KCNS3: variants seen among roughly 807,000 people sequenced by gnomAD.
The protein encoded by KCNS3 is delayed-rectifier potassium channel regulatory subunit KCNS3.
KCNS3 carries 13 observed loss-of-function variants against 31.0 expected under a neutral mutation model. The ratio of observed to expected loss-of-function variants is 0.42; its 90% CI spans 0.27 to 0.67. KCNS3 has a LOEUF of 0.67. Among genes scored for constraint, KCNS3 ranks in the 30% least tolerant of loss-of-function variants. KCNS3 has a pLI of 0.25. For missense variants in KCNS3, 545 were observed against 622.4 expected, an observed-to-expected ratio of 0.88 and a Z score of 1.32; for synonymous variants, 238 against 241.5, an observed-to-expected ratio of 0.99 and a Z score of 0.13.
chr2:17,909,212 G>A (rs1662413515), intron 1 of KCNS3, among the ~76,000 whole-genome samples: 1 of 152,188 alleles, frequency 6.6e-6, no homozygotes, highest in Admixed American at 6.5e-5. Flanking sequence ...TCAGACTGCT[G>A]TGCTAGCAAT....
intron 1 of KCNS3, among the ~76,000 whole-genome samples, chr2:17,900,087 A>G (rs77637412): frequency 0.012 from 1,841 of 152,232 alleles, 30 homozygotes; most frequent in African/African-American, 0.04. Context: ...TGAAACCTCA[A>G]TTTCCTCATT....
intron 1 of KCNS3, among the ~76,000 whole-genome samples, chr2:17,905,785 C>A (rs1472187231): frequency 6.6e-6 from 1 of 152,138 alleles, no homozygotes; most frequent in Middle Eastern, 3.2e-3. Context: ...ATATGTTGAA[C>A]CAGTCTTGCA....
At chr2:17,880,939 G>A (rs1026220797) in intron 1 of KCNS3, among the ~76,000 whole-genome samples, 1 of 152,192 alleles carries the variant, frequency 6.6e-6, no homozygotes, top group Non-Finnish European at 1.5e-5. Flanking sequence ...ATTGGAATGT[G>A]TGTCAGCTTT....
intron 1 of KCNS3, among the ~76,000 whole-genome samples, chr2:17,911,409 C>T (rs1572494609): frequency 6.6e-6 from 1 of 152,206 alleles, no homozygotes; most frequent in Admixed American, 6.5e-5. Context: ...TCTATAAGTT[C>T]ATTTGATATC....
At position 17,931,274 on chromosome 2, in the gene KCNS3, A is replaced by G. The variant is rs1457463442; in HGVS notation, c.266A>G (p.His89Arg). ...VLNFYYTGKL[H>R]VMEELCVFSF... ...AATTTTTATTACACGGGGAAGCTGC[A>G]TGTCATGGAGGAGCTGTGCGTATTC... The change falls in exon 3 of 3, where the codon CAT becomes CGT. Residue 89 changes from histidine (H) to arginine (R), a missense_variant. His to Arg is a conservative substitution (Grantham distance 29). Coordinates refer to ENST00000304101, the MANE Select transcript of KCNS3 (RefSeq NM_002252.5). This position sits in a 1 kb window ranked among gnomAD's most constrained non-coding sequence, Gnocchi z 5.4. 1.2e-6 allele frequency: 2 copies of G among 1,614,148 alleles called. No homozygotes were observed. The highest frequency in any genetic ancestry group is 1.7e-5 in the Admixed American group (1 of 60,026).
In KCNS3 at chr2:17,894,738, A is replaced by G. The variant is rs1184506667; in HGVS notation, c.-252+15932A>G. On this transcript the variant is annotated intron_variant, in intron 1 of 2. Transcript: ENST00000304101. ...AAGGAAAGCCTGCACCTGTTCAGAG[A>G]TGGTGCCTACAGCCATCTCCTGAGG... Among the ~76,000 whole-genome samples the G allele has an allele frequency of 2.0e-5, 3 of 152,200 alleles. No individual in the cohort carries two copies. In the East Asian group the frequency reaches 5.8e-4, roughly 29 times the overall value.
At position 17,931,126 on chromosome 2, in the gene KCNS3, A is replaced by C; in HGVS notation, c.118A>C (p.Arg40=). 1 of 1,614,222 alleles carries C rather than the reference A, an allele frequency of 6.2e-7. No homozygotes were observed. Among genetic ancestry groups the C allele is most frequent in the Admixed American group, 1.7e-5 (1 of 60,018 alleles). The change falls in exon 3 of 3, where the codon AGA becomes CGA. Residue 40 remains arginine, a synonymous_variant. Coordinates refer to ENST00000304101, the MANE Select transcript of KCNS3 (RefSeq NM_002252.5). The surrounding 1 kb of genome is among the most constrained non-coding windows in gnomAD (Gnocchi z 5.4). ...CACCCTCCTGCGGTTTCCTCACACC[A>C]GACTGGGGAAGCTGCTTACTTGCCA... The part of the protein sequence containing the change: ...QSTLLRFPHT[R]LGKLLTCHSE...
At chr2:17,914,066 G>A (rs190248178) in intron 1 of KCNS3, among the ~76,000 whole-genome samples, 4 of 152,340 alleles carry the variant, frequency 2.6e-5, no homozygotes, top group African/African-American at 9.6e-5. Context: ...GATTATCACA[G>A]GTTGGGTCGG....
At position 17,903,437 on chromosome 2, in the gene KCNS3, G is replaced by A. The variant is rs1359033594; in HGVS notation, c.-251-14243G>A. 4.0e-5 allele frequency among the ~76,000 whole-genome samples: 6 copies of A among 151,860 alleles called. 1 individual carries two copies. The highest frequency in any genetic ancestry group is 3.9e-4 in the Admixed American group (6 of 15,258). ...CAAGGAAGGGGGTTGAAGTTTTAGG[G>A]GGTTATTGACATTTTATTTTATTTT... On this transcript the variant is annotated intron_variant, in intron 1 of 2. Transcript: ENST00000304101.
intron 1 of KCNS3, among the ~76,000 whole-genome samples, chr2:17,906,342 C>A (rs1253036415): frequency 1.3e-5 from 2 of 151,438 alleles, no homozygotes; most frequent in Admixed American, 1.3e-4. Context: ...CTATTTGATT[C>A]TTCTCTCTTT....
intron 1 of KCNS3, among the ~76,000 whole-genome samples, chr2:17,888,740 G>A (rs1203355585): frequency 6.8e-6 from 1 of 147,648 alleles, no homozygotes; most frequent in Non-Finnish European, 1.5e-5. Flanking sequence ...TTGGCTGTAA[G>A]TATTTGGGTT....
intron 1 of KCNS3, among the ~76,000 whole-genome samples, chr2:17,887,012 A>G (rs1361681637): frequency 1.3e-5 from 2 of 152,182 alleles, no homozygotes; most frequent in Admixed American, 6.6e-5. Context: ...CTTTTTGGTG[A>G]TGAGAACCGA....
intron 2 of KCNS3, among the ~76,000 whole-genome samples, chr2:17,922,341 G>A (rs1463650404): frequency 6.6e-6 from 1 of 151,690 alleles, no homozygotes; most frequent in East Asian, 1.9e-4. Flanking sequence ...TTATTAGCTG[G>A]AATCCCTATT....
At chr2:17,907,031 G>A (rs753408127) in intron 1 of KCNS3, among the ~76,000 whole-genome samples, 40 of 152,264 alleles carry the variant, frequency 2.6e-4, no homozygotes, top group African/African-American at 5.5e-4. Context: ...TTTCTGTCTC[G>A]TTGATCTGTC....
chr2:17,911,603 A>G (rs1662472998), intron 1 of KCNS3, among the ~76,000 whole-genome samples: 1 of 152,222 alleles, frequency 6.6e-6, no homozygotes, highest in Non-Finnish European at 1.5e-5. Flanking sequence ...TCCATTATCC[A>G]GAGACAATGA....
intron 1 of KCNS3, among the ~76,000 whole-genome samples, chr2:17,906,375 C>T (rs908685610): frequency 7.2e-5 from 11 of 151,996 alleles, no homozygotes; most frequent in Non-Finnish European, 1.3e-4. Context: ...GTCTTGCTAG[C>T]GGTCTATCTA....
chr2:17,888,364 T>A (rs1280369863), intron 1 of KCNS3, among the ~76,000 whole-genome samples: 1 of 152,008 alleles, frequency 6.6e-6, no homozygotes, highest in African/African-American at 2.4e-5. Context: ...GTTTAAGTCC[T>A]TAATACATCT....
chr2:17,921,913 GTGTATATATA>G (rs59828424), intron 2 of KCNS3, among the ~76,000 whole-genome samples: 154 of 34,090 alleles, frequency 4.5e-3, no homozygotes, highest in Middle Eastern at 0.012. Flanking sequence ...GTGTGTGTGT[GTGTATATATA>G]TATATATATA....
intron 1 of KCNS3, among the ~76,000 whole-genome samples, chr2:17,903,086 T>C (rs1662224751): frequency 6.6e-6 from 1 of 152,192 alleles, no homozygotes; most frequent in African/African-American, 2.4e-5. Context: ...TTTGTTGTGA[T>C]TTTTCTTTTT....
Sources: gnomAD v4.1 joint callset for allele counts (sites outside exome capture counted in the v4.1 genomes callset) on GRCh38, gnomAD v4.1.1 for gene constraint, Gnocchi (gnomAD v3.1) non-coding constraint, MANE v1.5 for transcripts, NCBI Gene and HGNC (gene_info 2026-07-23, HGNC 2026-07-21) for gene names.